The following CNBD1 variants were observed in gnomAD, a reference collection of about 807,000 sequenced individuals.
The protein encoded by CNBD1 is cyclic nucleotide-binding domain-containing protein 1.
A neutral mutation model predicts 54.4 loss-of-function variants in CNBD1; 71 were observed. That is an observed-to-expected ratio of 1.30 (90% CI 1.08 to 1.59). The LOEUF is 1.59. Among genes scored for constraint, CNBD1 ranks in the 40% most tolerant of loss-of-function variants. The pLI, the probability that CNBD1 is intolerant of heterozygous loss-of-function variation, is 0.00. For missense variants in CNBD1, 659 were observed against 518.0 expected, an observed-to-expected ratio of 1.27 and a Z score of -2.64; for synonymous variants, 182 against 170.7, an observed-to-expected ratio of 1.07 and a Z score of -0.51.
At chr8:87,180,376 T>C (rs1189282865) in intron 4 of CNBD1, among the ~76,000 whole-genome samples, 1 of 152,192 alleles carries the variant, frequency 6.6e-6, no homozygotes, top group Non-Finnish European at 1.5e-5. Flanking sequence ...GTATCATTTC[T>C]GAAAGTAGTT....
At chr8:87,174,891 C>T (rs1289217904) in intron 4 of CNBD1, among the ~76,000 whole-genome samples, 1 of 152,138 alleles carries the variant, frequency 6.6e-6, no homozygotes, top group Non-Finnish European at 1.5e-5. Context: ...CAGGCAGACT[C>T]TTGTTCTCTT....
At chr8:87,251,548 A>T (rs1483947728) in intron 6 of CNBD1, among the ~76,000 whole-genome samples, 1 of 150,162 alleles carries the variant, frequency 6.7e-6, no homozygotes, top group African/African-American at 2.5e-5. Context: ...AGATTGCGCC[A>T]TTGCACTCCA....
chr8:87,003,857 T>G (rs1022584651), intron 4 of CNBD1, among the ~76,000 whole-genome samples: 1 of 152,124 alleles, frequency 6.6e-6, no homozygotes, highest in East Asian at 1.9e-4. Flanking sequence ...AGATTGTACC[T>G]AAGGAAAAGT....
At chr8:87,211,903 A>G (rs1371834202) in intron 5 of CNBD1, among the ~76,000 whole-genome samples, 1 of 152,206 alleles carries the variant, frequency 6.6e-6, no homozygotes, top group Non-Finnish European at 1.5e-5. Flanking sequence ...AAACTATCAT[A>G]ATTGACTCAA....
intron 4 of CNBD1, among the ~76,000 whole-genome samples, chr8:87,176,411 TAACTC>T (rs1302567357): frequency 7.2e-5 from 11 of 152,314 alleles, no homozygotes; most frequent in African/African-American, 2.6e-4. Flanking sequence ...TGTCAGTTGT[TAACTC>T]AGAATGAAAC....
intron 4 of CNBD1, among the ~76,000 whole-genome samples, chr8:87,117,469 G>A (rs1029911583): frequency 2.1e-5 from 3 of 146,234 alleles, no homozygotes; most frequent in Non-Finnish European, 4.6e-5. Context: ...TGGACATGAT[G>A]AGAGACACTT....
intron 4 of CNBD1, among the ~76,000 whole-genome samples, chr8:87,136,058 A>C (rs1812220233): frequency 6.6e-6 from 1 of 152,056 alleles, no homozygotes; most frequent in Non-Finnish European, 1.5e-5. Flanking sequence ...CATAGGTTTT[A>C]TCCTTCACTT....
intron 6 of CNBD1, among the ~76,000 whole-genome samples, chr8:87,240,827 A>G (rs528210875): frequency 2.0e-5 from 3 of 152,016 alleles, no homozygotes; most frequent in East Asian, 3.9e-4. Flanking sequence ...GTTGCCTCCT[A>G]GAGGGCTTTT....
intron 8 of CNBD1, among the ~76,000 whole-genome samples, chr8:87,332,962 C>T (rs1371172467): frequency 1.3e-5 from 2 of 152,108 alleles, no homozygotes; most frequent in Non-Finnish European, 2.9e-5. Context: ...TTACTTTGGG[C>T]AGTATGGTCA....
At chr8:87,216,125 T>C (rs1357591895) in intron 5 of CNBD1, among the ~76,000 whole-genome samples, 1 of 152,228 alleles carries the variant, frequency 6.6e-6, no homozygotes, top group Non-Finnish European at 1.5e-5. Flanking sequence ...TGTAAGCTAT[T>C]TTTAAAATGC....
At chr8:87,411,223 T>C (rs1195818254) in intron 2 of CNBD1, among the ~76,000 whole-genome samples, 1 of 151,632 alleles carries the variant, frequency 6.6e-6, no homozygotes, top group Non-Finnish European at 1.5e-5. Flanking sequence ...GAGGCTGTGT[T>C]TTATTTATCC....
chr8:87,190,729 G>A (rs1813583167), intron 4 of CNBD1, among the ~76,000 whole-genome samples: 1 of 151,718 alleles, frequency 6.6e-6, no homozygotes, highest in South Asian at 2.1e-4. Context: ...GTAAGTTTCT[G>A]TAATATTTGT....
At chr8:87,319,113 A>C (rs1320377396) in intron 8 of CNBD1, among the ~76,000 whole-genome samples, 1 of 152,084 alleles carries the variant, frequency 6.6e-6, no homozygotes, top group Non-Finnish European at 1.5e-5. Context: ...ATTAGGAGAG[A>C]AGTGGCCCCT....
chr8:86,936,220 T>G (rs745970428), intron 3 of CNBD1, among the ~76,000 whole-genome samples: 4 of 152,124 alleles, frequency 2.6e-5, no homozygotes, highest in Non-Finnish European at 5.9e-5. Flanking sequence ...ATCCTTAAGA[T>G]AGCCAACTGA....
intron 4 of CNBD1, among the ~76,000 whole-genome samples, chr8:87,116,932 T>G (rs1380016596): frequency 6.6e-6 from 1 of 152,214 alleles, no homozygotes; most frequent in Non-Finnish European, 1.5e-5. Flanking sequence ...ATTATTATAT[T>G]TCTTATTTAC....
At chr8:87,125,374 A>T (rs1252583696) in intron 4 of CNBD1, among the ~76,000 whole-genome samples, 1 of 151,850 alleles carries the variant, frequency 6.6e-6, no homozygotes, top group Non-Finnish European at 1.5e-5. Flanking sequence ...TCCTGATTTC[A>T]AACCATATTA....
chr8:87,327,089 G>T (rs1263307005), intron 8 of CNBD1, among the ~76,000 whole-genome samples: 1 of 148,008 alleles, frequency 6.8e-6, no homozygotes, highest in Non-Finnish European at 1.5e-5. Context: ...TGCCCCTGCT[G>T]GGGGGTGCCT....
At chr8:86,979,402 C>CAAAA (rs776634552) in intron 4 of CNBD1, among the ~76,000 whole-genome samples, 1 of 10,390 alleles carries the variant, frequency 9.6e-5, no homozygotes, top group Non-Finnish European at 1.5e-4. Context: ...ATCATCTCTA[C>CAAAA]AAAAAAAAAA....
intron 4 of CNBD1, among the ~76,000 whole-genome samples, chr8:86,980,178 C>T (rs1428211734): frequency 1.3e-5 from 2 of 152,102 alleles, no homozygotes; most frequent in African/African-American, 4.8e-5. Context: ...CACAGTGTAC[C>T]ATAATTCTTT....
Sources: gnomAD v4.1 joint callset for allele counts (sites outside exome capture counted in the v4.1 genomes callset) on GRCh38, gnomAD v4.1.1 for gene constraint, MANE v1.5 for transcripts, NCBI Gene and HGNC (gene_info 2026-07-23, HGNC 2026-07-21) for gene names.